CNTNAP4: variants seen among roughly 807,000 people sequenced by gnomAD.
CNTNAP4 encodes contactin associated protein family member 4.
In CNTNAP4, 98 loss-of-function variants were observed where a neutral mutation model predicts 148.4. That is an observed-to-expected ratio of 0.66 (90% CI 0.56 to 0.78). CNTNAP4 has a LOEUF of 0.78. Among genes scored for constraint, CNTNAP4 ranks in the 30% least tolerant of loss-of-function variants. The pLI, the probability that CNTNAP4 is intolerant of heterozygous loss-of-function variation, is 0.00. For missense variants in CNTNAP4, 1,935 were observed against 1,565.6 expected, an observed-to-expected ratio of 1.24 and a Z score of -3.98; for synonymous variants, 730 against 565.1, an observed-to-expected ratio of 1.29 and a Z score of -4.14.
chr16:76,278,021 G>A (rs1958546736), intron 1 of CNTNAP4, among the ~76,000 whole-genome samples: 1 of 152,152 alleles, frequency 6.6e-6, no homozygotes, highest in Non-Finnish European at 1.5e-5. Context: ...CCAAGTTCTA[G>A]TAAAACATGA....
At chr16:76,443,366 A>G (rs2080116999) in intron 4 of CNTNAP4, among the ~76,000 whole-genome samples, 1 of 152,186 alleles carries the variant, frequency 6.6e-6, no homozygotes, top group Non-Finnish European at 1.5e-5. Context: ...CAATTCAACT[A>G]TGTACAAAAG....
chr16:76,530,265 A>G (rs2083920419), intron 17 of CNTNAP4, among the ~76,000 whole-genome samples: 3 of 152,134 alleles, frequency 2.0e-5, no homozygotes, highest in Admixed American at 2.0e-4. Flanking sequence ...GGAAGAGAAT[A>G]TCAAGCAGCC....
chr16:76,378,807 G>A (rs1179918985), intron 3 of CNTNAP4, among the ~76,000 whole-genome samples: 5 of 152,134 alleles, frequency 3.3e-5, no homozygotes, highest in African/African-American at 4.8e-5. Context: ...GAGAAAACCC[G>A]GCCCAGCTGT....
At chr16:76,302,617 T>C (rs1222645970) in intron 1 of CNTNAP4, among the ~76,000 whole-genome samples, 2 of 152,116 alleles carry the variant, frequency 1.3e-5, no homozygotes, top group African/African-American at 4.8e-5. Flanking sequence ...ATAATACCCT[T>C]TTTAGGTAAT....
intron 2 of CNTNAP4, among the ~76,000 whole-genome samples, chr16:76,327,606 G>A (rs1477486396): frequency 6.6e-6 from 1 of 152,112 alleles, no homozygotes; most frequent in African/African-American, 2.4e-5. Flanking sequence ...GGTGTGATAG[G>A]GTCTCATCTA....
intron 21 of CNTNAP4, among the ~76,000 whole-genome samples, chr16:76,544,606 CCT>C (rs957033835): frequency 8.6e-5 from 13 of 152,040 alleles, no homozygotes; most frequent in African/African-American, 2.7e-4. Context: ...GAGTTCAGAT[CCT>C]CTCATAATCA....
intron 21 of CNTNAP4, among the ~76,000 whole-genome samples, chr16:76,546,241 G>T (rs970768932): frequency 6.6e-6 from 1 of 152,184 alleles, no homozygotes. Flanking sequence ...AGGAGATACT[G>T]CAAGATCAGT....
chr16:76,289,230 T>C (rs1959013237), intron 1 of CNTNAP4, among the ~76,000 whole-genome samples: 1 of 152,176 alleles, frequency 6.6e-6, no homozygotes, highest in Non-Finnish European at 1.5e-5. Context: ...TTCCTATGCC[T>C]GTAGCACGTG....
Position 76,514,748 on chromosome 16 carries a change from T to C in CNTNAP4, c.2366-6392T>C, listed in dbSNP as rs893807339. On this transcript the variant is annotated intron_variant, in intron 15 of 23. Coordinates refer to ENST00000611870, the MANE Select transcript of CNTNAP4 (RefSeq NM_033401.5). ...GTTAATAAATAGTTGAAAACAATAA[T>C]AGATGTGCTAAAAAGAGGAACCAGT... 6.3e-5 allele frequency among the ~76,000 whole-genome samples: 7 copies of C among 110,264 alleles called. No individual in the cohort carries two copies. In the East Asian group the frequency reaches 1.4e-3, roughly 22 times the overall value. 72.3% of individuals were successfully genotyped at this position (110,264 alleles called of 152,430 possible). A position where few individuals can be genotyped will look rare whatever the true frequency, so the allele number is the denominator to read the frequency against.
chr16:76,293,490 A>T (rs1205302502), intron 1 of CNTNAP4, among the ~76,000 whole-genome samples: 1 of 152,016 alleles, frequency 6.6e-6, no homozygotes, highest in Non-Finnish European at 1.5e-5. Context: ...CTTCCTATCT[A>T]CCTGTCTATT....
chr16:76,391,263 G>A (rs2016967499), intron 3 of CNTNAP4, among the ~76,000 whole-genome samples: 1 of 152,070 alleles, frequency 6.6e-6, no homozygotes, highest in African/African-American at 2.4e-5. Context: ...GCCAAATGTG[G>A]TAAACACTTC....
chr16:76,471,881 A>T (rs1394797882), intron 10 of CNTNAP4, among the ~76,000 whole-genome samples: 1 of 152,142 alleles, frequency 6.6e-6, no homozygotes, highest in Admixed American at 6.5e-5. Context: ...CCTAGCGCTC[A>T]TTGGCACTTA....
chr16:76,492,136 G>T (rs554005396), intron 13 of CNTNAP4, among the ~76,000 whole-genome samples: 1 of 152,128 alleles, frequency 6.6e-6, no homozygotes, highest in Admixed American at 6.6e-5. Flanking sequence ...TTGGTCAAAG[G>T]GTACAAATTT....
intron 3 of CNTNAP4, among the ~76,000 whole-genome samples, chr16:76,415,663 A>G (rs913287191): frequency 3.3e-5 from 5 of 151,188 alleles, no homozygotes; most frequent in African/African-American, 1.2e-4. Flanking sequence ...AAGAGGAATC[A>G]GAATGTATCC....
chr16:76,299,722 G>A (rs9933923), intron 1 of CNTNAP4, among the ~76,000 whole-genome samples: 3,709 of 152,166 alleles, frequency 0.024, 148 homozygotes, highest in African/African-American at 0.084. Context: ...ACTATTCACA[G>A]TAGCAAAGAC....
chr16:76,492,855 T>A (rs1298285155), intron 13 of CNTNAP4, among the ~76,000 whole-genome samples: 2 of 152,076 alleles, frequency 1.3e-5, no homozygotes, highest in Non-Finnish European at 2.9e-5. Flanking sequence ...CAGTCTCAGG[T>A]ATGTCTTTGT....
At chr16:76,540,391 T>C (rs1396101306) in intron 20 of CNTNAP4, among the ~76,000 whole-genome samples, 1 of 152,032 alleles carries the variant, frequency 6.6e-6, no homozygotes, top group Non-Finnish European at 1.5e-5. Flanking sequence ...TTTGTTGGCT[T>C]CATCAATTTT....
At chr16:76,387,419 G>T (rs2016605387) in intron 3 of CNTNAP4, among the ~76,000 whole-genome samples, 1 of 152,106 alleles carries the variant, frequency 6.6e-6, no homozygotes, top group Admixed American at 6.5e-5. Flanking sequence ...TAAATCTTTT[G>T]CAACCAATAG....
chr16:76,548,872 A>G (rs2084847998), intron 21 of CNTNAP4, among the ~76,000 whole-genome samples: 1 of 152,172 alleles, frequency 6.6e-6, no homozygotes, highest in African/African-American at 2.4e-5. Flanking sequence ...TATTAGCACA[A>G]TTGTCAAAGC....
Sources: allele counts gnomAD v4.1 joint callset (sites outside exome capture counted in the v4.1 genomes callset), GRCh38; gene constraint gnomAD v4.1.1; transcripts MANE v1.5; gene names NCBI Gene and HGNC (gene_info 2026-07-23, HGNC 2026-07-21).